Variants in MYOM1 observed in about 807,000 individuals in gnomAD.
MYOM1 encodes myomesin 1.
In MYOM1, 164 loss-of-function variants were observed where a neutral mutation model predicts 205.3. That is an observed-to-expected ratio of 0.80 (90% CI 0.70 to 0.91). The LOEUF (loss-of-function observed/expected upper bound fraction) is 0.91. Ranked by LOEUF, MYOM1 falls within the 40% of genes least tolerant of loss-of-function variation. The probability of loss-of-function intolerance (pLI) is 0.00; values close to 1 mark genes in which losing one functional copy is unlikely to be tolerated. For synonymous variants in MYOM1, 772 were observed against 789.4 expected (o/e 0.98, Z 0.37); for missense variants, 2,011 against 2,127.3 (o/e 0.95, Z 1.08).
intron 2 of MYOM1, among the ~76,000 whole-genome samples, chr18:3,208,876 T>G (rs1261890263): frequency 6.6e-6 from 1 of 152,236 alleles, no homozygotes; most frequent in Non-Finnish European, 1.5e-5. Flanking sequence ...GCAATCCTCC[T>G]GCCTTGGCCT....
chr18:3,145,220 G>C (rs1435271212), intron 13 of MYOM1, among the ~76,000 whole-genome samples: 1 of 151,200 alleles, frequency 6.6e-6, no homozygotes, highest in East Asian at 1.9e-4. Context: ...TGAAGCAGGA[G>C]AATCACTTGA....
intron 22 of MYOM1, among the ~76,000 whole-genome samples, chr18:3,103,351 C>T (rs745988186): frequency 4.6e-5 from 7 of 152,126 alleles, no homozygotes; most frequent in Non-Finnish European, 1.0e-4. Flanking sequence ...TCAGCTCTTT[C>T]AGGAAGATTG....
chr18:3,134,666 GGTT>G lies in MYOM1; in HGVS notation c.2365_2367del (p.Asn789del), dbSNP rs1567925241. The G allele has an allele frequency of 1.9e-6, 3 of 1,613,338 alleles. No individual in the cohort carries two copies. Among genetic ancestry groups the G allele is most frequent in the Non-Finnish European group, 1.7e-6 (2 of 1,179,382 alleles). ...CTGAGTTACCGTGAGCCCTTCACGGGGTTGTTGTTACAGGGCTCCCACTTGCCA... is the reference window on the plus strand; with the variant it reads ...CTGAGTTACCGTGAGCCCTTCACGGGGTTGTTACAGGGCTCCCACTTGCCA... On this transcript the variant is annotated inframe_deletion, in exon 16 of 38. Transcript: ENST00000356443.
intron 33 of MYOM1, among the ~76,000 whole-genome samples, chr18:3,081,606 T>C (rs757066749): frequency 2.0e-5 from 3 of 152,248 alleles, no homozygotes; most frequent in Non-Finnish European, 4.4e-5. Context: ...TTTTGATTGA[T>C]GATTCAATGA....
At position 3,219,914 on chromosome 18, in the gene MYOM1, C is replaced by T. The variant is rs547225668; in HGVS notation, c.-140G>A. ...TCCAAGACAATGTTAAGAGGCAGGG[C>T]TAAAGACAGGACCCTGGGGGCCAGT... On this transcript the variant is annotated 5_prime_UTR_variant, in exon 1 of 38. Coordinates refer to ENST00000356443, the MANE Select transcript of MYOM1 (RefSeq NM_003803.4). The surrounding 1 kb of genome is among the most constrained non-coding windows in gnomAD (Gnocchi z 4.4). 1.3e-5 allele frequency: 2 copies of T among 152,314 alleles called. No homozygotes were observed. The highest frequency in any genetic ancestry group is 2.9e-5 in the Non-Finnish European group (2 of 68,050). 9.4% of individuals were successfully genotyped at this position (152,314 alleles called of 1,614,324 possible).
chr18:3,100,094 T>A (rs1473422853), intron 25 of MYOM1, 65 bp downstream of exon 25: 3 of 1,500,696 alleles, frequency 2.0e-6, no homozygotes, highest in Non-Finnish European at 2.8e-6. Flanking sequence ...TGTCATCTGA[T>A]CTATTCCAGA....
At chr18:3,178,911 A>G (rs1257575102) in intron 5 of MYOM1, among the ~76,000 whole-genome samples, 1 of 151,586 alleles carries the variant, frequency 6.6e-6, no homozygotes, top group Non-Finnish European at 1.5e-5. Context: ...TCTGTCTCCC[A>G]TGCTGGAGTG....
intron 36 of MYOM1, among the ~76,000 whole-genome samples, chr18:3,073,350 C>G (rs2078983610): frequency 6.6e-6 from 1 of 152,192 alleles, no homozygotes; most frequent in African/African-American, 2.4e-5. Flanking sequence ...AAGGTGTTCT[C>G]TCTGGCATGA....
chr18:3,109,920 A>T (rs1053625210), intron 22 of MYOM1, among the ~76,000 whole-genome samples: 4 of 152,122 alleles, frequency 2.6e-5, no homozygotes, highest in African/African-American at 9.7e-5. Flanking sequence ...ACAGCATTCC[A>T]ATGATCCCTC....
intron 21 of MYOM1, among the ~76,000 whole-genome samples, chr18:3,115,576 ACAT>A (rs1157450581): frequency 6.6e-6 from 1 of 152,218 alleles, no homozygotes; most frequent in Non-Finnish European, 1.5e-5. Flanking sequence ...GAAGTCAGTC[ACAT>A]TTCATTCTAA....
chr18:3,215,057 C>T lies in MYOM1; in HGVS notation c.167G>A (p.Arg56Gln), dbSNP rs754796068. 2.5e-6 allele frequency: 4 copies of T among 1,613,336 alleles called. No homozygotes were observed. Among genetic ancestry groups the T allele is most frequent in the South Asian group, 2.2e-5 (2 of 91,042 alleles). The change falls in exon 2 of 38, where the codon CGG (arginine) becomes CAG (glutamine). Residue 56 changes from arginine (R) to glutamine (Q), a missense_variant. By Grantham distance (43) the Arg-to-Gln change is conservative (BLOSUM62 1). Coordinates refer to ENST00000356443, the MANE Select transcript of MYOM1 (RefSeq NM_003803.4). The stretch of plus-strand genomic sequence containing the variant: ...CGCCCGACGGAAGGCCTCGGACTCC[C>T]GGCGGTGCGCGGCGGAGGAGCGGCT... ...YSSRSSAAHR[R>Q]ESEAFRRASA...
At chr18:3,123,852 C>T (rs2079736098) in intron 19 of MYOM1, among the ~76,000 whole-genome samples, 5 of 147,722 alleles carry the variant, frequency 3.4e-5, no homozygotes, top group African/African-American at 7.9e-5. Flanking sequence ...GACAGGATCT[C>T]GCTCTGTCAC....
chr18:3,208,024 G>T (rs565778974), intron 2 of MYOM1, among the ~76,000 whole-genome samples: 1 of 152,040 alleles, frequency 6.6e-6, no homozygotes, highest in African/African-American at 2.4e-5. Context: ...ATGAACTTTT[G>T]GTCCTTTCTT....
Position 3,067,039 on chromosome 18 carries a change from T to C in MYOM1, c.*223A>G. On this transcript the variant is annotated 3_prime_UTR_variant, in exon 38 of 38. Coordinates refer to ENST00000356443, the MANE Select transcript of MYOM1 (RefSeq NM_003803.4). ...TCTCCTTAAAACTGTTTCCTAATCTTCATGCTATGAATGGTATTTTCTTAA... is the reference window on the plus strand; with the variant it reads ...TCTCCTTAAAACTGTTTCCTAATCTCCATGCTATGAATGGTATTTTCTTAA... 1.8e-6 allele frequency: 1 copy of C among 555,376 alleles called. No individual in the cohort carries two copies. Among genetic ancestry groups the C allele is most frequent in the Non-Finnish European group, 3.2e-6 (1 of 315,002 alleles). The allele number at this position is 555,376 out of a possible 1,614,324, so 34.4% of individuals were successfully genotyped here.
intron 18 of MYOM1, among the ~76,000 whole-genome samples, chr18:3,127,297 A>ATT (rs2079802361): frequency 6.0e-5 from 3 of 49,728 alleles, no homozygotes; most frequent in African/African-American, 2.4e-4. Context: ...ATATATATAT[A>ATT]TATATATATT....
At chr18:3,083,493 A>G (rs2079112692) in intron 33 of MYOM1, among the ~76,000 whole-genome samples, 2 of 141,704 alleles carry the variant, frequency 1.4e-5, no homozygotes, top group African/African-American at 5.3e-5. Context: ...CAGTGGTGCA[A>G]TCTCGGCTCA....
At chr18:3,072,979 T>TA (rs1471437608) in intron 36 of MYOM1, among the ~76,000 whole-genome samples, 2 of 148,920 alleles carry the variant, frequency 1.3e-5, no homozygotes, top group African/African-American at 2.5e-5. Flanking sequence ...AAGCATTTTT[T>TA]TTTTTTTTTT....
chr18:3,116,475 G>C lies in MYOM1; in HGVS notation c.3159C>G (p.Asp1053Glu). ...HSLKCSEVRK[D>E]SLVLQWKPPV... The stretch of plus-strand genomic sequence containing the variant: ...GCGGCTTCCACTGGAGAACCAGTGA[G>C]TCTTTCCTGACTTCACTACACTTGA... Residue 1053 changes from aspartate (D) to glutamate (E), a missense_variant, in exon 21 of 38, where the codon GAC (aspartate) becomes GAG (glutamate). Asp to Glu is a conservative substitution (Grantham distance 45, BLOSUM62 2). Transcript: ENST00000356443. 3.1e-6 allele frequency: 5 copies of C among 1,608,552 alleles called. No homozygotes were observed. The highest frequency in any genetic ancestry group is 4.2e-6 in the Non-Finnish European group (5 of 1,176,692).
rs767199124 is a variant in MYOM1 at position 3,187,521 on chromosome 18, C to G, written c.888G>C (p.Leu296Phe). 1.2e-6 allele frequency: 2 copies of G among 1,613,736 alleles called. No individual in the cohort carries two copies. The highest frequency in any genetic ancestry group is 8.5e-7 in the Non-Finnish European group (1 of 1,179,834). ...HTVWEKENVK[L>F]HCSIAGWPEP... The stretch of plus-strand genomic sequence containing the variant: ...CTGGCCAGCCTGCTATGGAGCAATG[C>G]AATTTTACATTCTCCTTCTCCCAAA... Residue 296 changes from leucine to phenylalanine, a missense_variant, in exon 5 of 38, where the codon TTG becomes TTC. Coordinates refer to ENST00000356443, the MANE Select transcript of MYOM1 (RefSeq NM_003803.4).
Sources: gnomAD v4.1 joint callset for allele counts (sites outside exome capture counted in the v4.1 genomes callset) on GRCh38, gnomAD v4.1.1 for gene constraint, Gnocchi (gnomAD v3.1) non-coding constraint, MANE v1.5 for transcripts, NCBI Gene and HGNC (gene_info 2026-07-23, HGNC 2026-07-21) for gene names.